DAB1: variants seen among roughly 807,000 people sequenced by gnomAD.
DAB1 encodes DAB adaptor protein 1.
A neutral mutation model predicts 64.6 loss-of-function variants in DAB1; 15 were observed. That is an observed-to-expected ratio of 0.23 (90% CI 0.16 to 0.36). The LOEUF (loss-of-function observed/expected upper bound fraction) is 0.36. Among genes scored for constraint, DAB1 ranks in the 10% least tolerant of loss-of-function variants. The pLI is 1.00. For missense variants in DAB1, 596 were observed against 706.7 expected (o/e 0.84, Z 1.78); for synonymous variants, 235 against 251.9 (o/e 0.93, Z 0.64).
chr1:57,340,611 G>A (rs575782481), intron 1 of DAB1, among the ~76,000 whole-genome samples: 1 of 152,308 alleles, frequency 6.6e-6, no homozygotes, highest in South Asian at 2.1e-4. Flanking sequence ...GATGCAGTGT[G>A]CAAGGTATAT....
intron 5 of DAB1, among the ~76,000 whole-genome samples, chr1:58,099,569 A>G (rs902000565): frequency 2.6e-5 from 4 of 152,180 alleles, no homozygotes; most frequent in Non-Finnish European, 5.9e-5. Context: ...ACAATACTTA[A>G]ACAGCATGGC....
At chr1:57,498,055 T>C (rs1226480161) in intron 7 of DAB1, among the ~76,000 whole-genome samples, 1 of 152,188 alleles carries the variant, frequency 6.6e-6, no homozygotes, top group Non-Finnish European at 1.5e-5. Flanking sequence ...ATCAAGGTGC[T>C]CTTAGAGTTA....
intron 1 of DAB1, among the ~76,000 whole-genome samples, chr1:57,848,778 A>C (rs1653397939): frequency 6.6e-6 from 1 of 152,176 alleles, no homozygotes; most frequent in Admixed American, 6.5e-5. Flanking sequence ...CTGAAGCTGC[A>C]TGTGGTGGTC....
intron 7 of DAB1, among the ~76,000 whole-genome samples, chr1:57,599,058 C>G (rs746789715): frequency 1.3e-5 from 2 of 149,696 alleles, no homozygotes; most frequent in Admixed American, 6.6e-5. Context: ...ACCCCTCTAG[C>G]CTTCTAAATT....
intron 7 of DAB1, among the ~76,000 whole-genome samples, chr1:57,614,744 C>A (rs528301899): frequency 6.6e-6 from 1 of 152,076 alleles, no homozygotes; most frequent in South Asian, 2.1e-4. Flanking sequence ...TCTTAACATC[C>A]TAGGGCTAGC....
chr1:58,462,570 T>C (rs1307057016), intron 3 of DAB1: 3 of 152,174 alleles, frequency 2.0e-5, no homozygotes, highest in Non-Finnish European at 4.4e-5. Context: ...ACAGTGTTTT[T>C]ATTGGATGAA....
At chr1:57,594,958 C>T (rs1320000335) in intron 7 of DAB1, among the ~76,000 whole-genome samples, 2 of 152,148 alleles carry the variant, frequency 1.3e-5, no homozygotes, top group Non-Finnish European at 2.9e-5. Flanking sequence ...GATCCACCCG[C>T]CTCAGCCTCC....
chr1:58,262,634 A>C (rs1661072045), intron 4 of DAB1, among the ~76,000 whole-genome samples: 1 of 152,180 alleles, frequency 6.6e-6, no homozygotes, highest in South Asian at 2.1e-4. Context: ...AGTTTCCTCA[A>C]CTGCAAACTG....
At chr1:58,347,043 GA>G in intron 3 of DAB1, among the ~76,000 whole-genome samples, 1 of 152,244 alleles carries the variant, frequency 6.6e-6, no homozygotes, top group Admixed American at 6.5e-5. Context: ...ATACATGATA[GA>G]AAAGGTACTT....
chr1:57,145,448 G>A lies in DAB1; in HGVS notation c.68-19C>T, dbSNP rs373614156. On this transcript the variant is annotated intron_variant, in intron 2 of 14. Transcript: ENST00000371236. ...TCCTGACCTAAAAAGAGAAAAAGCAGATTCAAATATGTAGCTGTGCAGACC... is the reference window on the plus strand; with the variant it reads ...TCCTGACCTAAAAAGAGAAAAAGCAAATTCAAATATGTAGCTGTGCAGACC... The A allele has an allele frequency of 1.5e-5, 25 of 1,613,480 alleles. No homozygotes were observed. The highest frequency in any genetic ancestry group is 2.7e-5 in the African/African-American group (2 of 74,890).
intron 5 of DAB1, among the ~76,000 whole-genome samples, chr1:57,895,235 C>A (rs543166661): frequency 1.3e-5 from 2 of 152,278 alleles, no homozygotes; most frequent in Admixed American, 1.3e-4. Flanking sequence ...TTGTCCAAGG[C>A]TGTGATGCAT....
At chr1:57,115,601 AC>A (rs1656039301) in intron 4 of DAB1, among the ~76,000 whole-genome samples, 1 of 152,140 alleles carries the variant, frequency 6.6e-6, no homozygotes, top group South Asian at 2.1e-4. Context: ...CTAAATAGTC[AC>A]CTGTGGCTAA....
At chr1:57,306,097 A>T (rs557894014) in intron 1 of DAB1, among the ~76,000 whole-genome samples, 1 of 152,320 alleles carries the variant, frequency 6.6e-6, no homozygotes, top group African/African-American at 2.4e-5. Context: ...CTGGGAAGGT[A>T]AGTATGATTA....
intron 6 of DAB1, among the ~76,000 whole-genome samples, chr1:57,809,610 A>T (rs891926788): frequency 6.6e-6 from 1 of 152,188 alleles, no homozygotes; most frequent in Non-Finnish European, 1.5e-5. Flanking sequence ...ACTGTTTCTC[A>T]TTATTGCTCC....
intron 1 of DAB1, among the ~76,000 whole-genome samples, chr1:57,323,819 A>G (rs1278003579): frequency 6.6e-6 from 1 of 152,004 alleles, no homozygotes; most frequent in Non-Finnish European, 1.5e-5. Context: ...TAAACCAGTG[A>G]GATCGGGGTG....
At chr1:57,627,289 T>C (rs996241157) in intron 7 of DAB1, among the ~76,000 whole-genome samples, 2 of 152,188 alleles carry the variant, frequency 1.3e-5, no homozygotes, top group South Asian at 2.1e-4. Context: ...CACTGGCTTT[T>C]CTTTGCAGGT....
At chr1:57,512,819 G>C (rs565847505) in intron 7 of DAB1, among the ~76,000 whole-genome samples, 40 of 152,144 alleles carry the variant, frequency 2.6e-4, no homozygotes, top group Non-Finnish European at 4.9e-4. Context: ...TTTAGGTTTG[G>C]GGGCATGGCA....
intron 6 of DAB1, among the ~76,000 whole-genome samples, chr1:57,794,622 T>A (rs1388466138): frequency 1.3e-5 from 2 of 152,188 alleles, no homozygotes; most frequent in African/African-American, 4.8e-5. Context: ...TACACTTATG[T>A]AACATGACAC....
At chr1:58,239,754 C>T (rs1379772022) in intron 4 of DAB1, among the ~76,000 whole-genome samples, 1 of 152,124 alleles carries the variant, frequency 6.6e-6, no homozygotes, top group African/African-American at 2.4e-5. Flanking sequence ...GTGGTCTCCA[C>T]ACCTGAACCT....
Sources: gnomAD v4.1 joint callset for allele counts (sites outside exome capture counted in the v4.1 genomes callset) on GRCh38, gnomAD v4.1.1 for gene constraint, MANE v1.5 for transcripts, NCBI Gene and HGNC (gene_info 2026-07-23, HGNC 2026-07-21) for gene names.